The following GALNT10 variants were observed in gnomAD, a reference collection of about 807,000 sequenced individuals.
The protein encoded by GALNT10 is polypeptide N-acetylgalactosaminyltransferase 10.
Under a neutral mutation model 75.0 loss-of-function variants are expected in GALNT10, and 41 were observed. That is an observed-to-expected ratio of 0.55 (90% CI 0.43 to 0.71). The LOEUF (loss-of-function observed/expected upper bound fraction) is 0.71, where lower values mean the gene tolerates loss of function less well. Among genes scored for constraint, GALNT10 ranks in the 30% least tolerant of loss-of-function variants. The probability of loss-of-function intolerance (pLI) is 0.00; values close to 1 mark genes in which losing one functional copy is unlikely to be tolerated. For synonymous variants in GALNT10, 302 were observed against 313.0 expected, an observed-to-expected ratio of 0.96 and a Z score of 0.37; for missense variants, 727 against 818.5, an observed-to-expected ratio of 0.89 and a Z score of 1.36.
intron 1 of GALNT10, among the ~76,000 whole-genome samples, chr5:154,287,929 AGT>A (rs1561650917): frequency 7.1e-6 from 1 of 141,234 alleles, no homozygotes; most frequent in Non-Finnish European, 1.5e-5. Context: ...AGAGAGAGAG[AGT>A]GTGCATGTGT....
At chr5:154,316,446 G>C (rs13182399) in intron 3 of GALNT10, among the ~76,000 whole-genome samples, 46,518 of 152,098 alleles carry the variant, frequency 0.31, 7,925 homozygotes, top group African/African-American at 0.46. Context: ...TATTCATGGC[G>C]TGCTTGTTGA....
intron 1 of GALNT10, chr5:154,220,362 C>G (rs1447891822): frequency 6.6e-6 from 1 of 152,196 alleles, no homozygotes; most frequent in African/African-American, 2.4e-5. Context: ...AACCTGCTCA[C>G]TGGGACAAAA....
At chr5:154,233,795 C>G (rs1381302231) in intron 1 of GALNT10, among the ~76,000 whole-genome samples, 1 of 152,182 alleles carries the variant, frequency 6.6e-6, no homozygotes, top group Admixed American at 6.5e-5. Flanking sequence ...TGCTGGGAGA[C>G]TGTAATGGCA....
At chr5:154,239,479 A>G (rs984363452) in intron 1 of GALNT10, among the ~76,000 whole-genome samples, 5 of 152,230 alleles carry the variant, frequency 3.3e-5, no homozygotes. Context: ...GCCAAACCCT[A>G]TGGTGAACGT....
intron 1 of GALNT10, among the ~76,000 whole-genome samples, chr5:154,223,102 AG>A (rs1021139798): frequency 6.6e-6 from 1 of 152,204 alleles, no homozygotes; most frequent in African/African-American, 2.4e-5. Flanking sequence ...AACACTGTGT[AG>A]GGCACCGTAC....
Position 154,412,106 on chromosome 5 carries a change from G to T in GALNT10, c.1387-783G>T, listed in dbSNP as rs960035470. On this transcript the variant is annotated intron_variant, in intron 9 of 11. Coordinates refer to ENST00000297107, the MANE Select transcript of GALNT10 (RefSeq NM_198321.4). This position sits in a 1 kb window ranked among gnomAD's most constrained non-coding sequence, Gnocchi z 4.2. ...GGTGGATTCAGAATACAGGATCTGG[G>T]TGCAATGAGACTCTCTGCAACAGGA... Among the ~76,000 whole-genome samples, 1 of 152,176 alleles carries T rather than the reference G, an allele frequency of 6.6e-6. No homozygotes were observed. Among genetic ancestry groups the T allele is most frequent in the African/African-American group, 2.4e-5 (1 of 41,420 alleles).
chr5:154,225,997 G>A (rs930091945), intron 1 of GALNT10, among the ~76,000 whole-genome samples: 1 of 152,036 alleles, frequency 6.6e-6, no homozygotes, highest in Non-Finnish European at 1.5e-5. Flanking sequence ...GTAGGGGAAG[G>A]GGGGAGGGAT....
At chr5:154,353,912 C>G (rs1270219900) in intron 4 of GALNT10, among the ~76,000 whole-genome samples, 1 of 152,220 alleles carries the variant, frequency 6.6e-6, no homozygotes, top group Non-Finnish European at 1.5e-5. Flanking sequence ...TCCATGCTGA[C>G]CCTCCCATAG....
intron 4 of GALNT10, among the ~76,000 whole-genome samples, chr5:154,346,446 A>G (rs1202835952): frequency 6.6e-6 from 1 of 152,206 alleles, no homozygotes; most frequent in Non-Finnish European, 1.5e-5. Context: ...TTTCTTGACT[A>G]GTGCATTCAA....
Position 154,386,480 on chromosome 5 carries a change from C to T in GALNT10, c.1056+50C>T, listed in dbSNP as rs1755808778. ...GTTCTTGGCACAGCCTCCTGAGTGC[C>T]TGTCCCAGTAGGTGTCTCAGCTTCT... is the stretch of plus-strand genomic sequence containing the variant. On this transcript the variant is annotated intron_variant, in intron 7 of 11. Transcript: ENST00000297107. 7 of 1,155,710 alleles carry T rather than the reference C, an allele frequency of 6.1e-6. No individual in the cohort carries two copies. The South Asian group carries it at 8.5e-5, about 14-fold the overall frequency. The allele number at this position is 1,155,710 out of a possible 1,614,324, so 71.6% of individuals were successfully genotyped here. A position where few individuals can be genotyped will look rare whatever the true frequency, so the allele number is the denominator to read the frequency against.
chr5:154,332,261 G>A (rs1317784155), intron 4 of GALNT10, among the ~76,000 whole-genome samples: 2 of 152,182 alleles, frequency 1.3e-5, no homozygotes, highest in East Asian at 1.9e-4. Flanking sequence ...CCTCAGGTAC[G>A]GGCTGCCTGC....
Position 154,294,810 on chromosome 5 carries a change from T to G in GALNT10, c.160-6T>G. Reference sequence around the variant, plus strand: ...CTATTTTTCATAGTTTTTGTCTTTTTTTAAGGGCTCACACAGTCGACAAAA... The same window carrying G: ...CTATTTTTCATAGTTTTTGTCTTTTGTTAAGGGCTCACACAGTCGACAAAA... On this transcript the variant is annotated splice_polypyrimidine_tract_variant and splice_region_variant and intron_variant, in intron 1 of 11. Coordinates refer to ENST00000297107, the MANE Select transcript of GALNT10 (RefSeq NM_198321.4). The G allele has an allele frequency of 1.3e-6, 2 of 1,511,998 alleles. No individual in the cohort carries two copies. The highest frequency in any genetic ancestry group is 1.8e-6 in the Non-Finnish European group (2 of 1,087,384). 93.7% of individuals were successfully genotyped at this position (1,511,998 alleles called of 1,614,324 possible).
chr5:154,337,135 A>G (rs551263091), intron 4 of GALNT10, among the ~76,000 whole-genome samples: 1 of 152,320 alleles, frequency 6.6e-6, no homozygotes, highest in Non-Finnish European at 1.5e-5. Flanking sequence ...TTTTTAAAAG[A>G]CACATTTATT....
intron 1 of GALNT10, among the ~76,000 whole-genome samples, chr5:154,199,412 G>A (rs1041468464): frequency 2.0e-5 from 3 of 152,252 alleles, no homozygotes; most frequent in African/African-American, 4.8e-5. Flanking sequence ...CCTGGGAAGT[G>A]TGTTTATCTG....
At chr5:154,247,063 G>A (rs1026050840) in intron 1 of GALNT10, among the ~76,000 whole-genome samples, 14 of 152,184 alleles carry the variant, frequency 9.2e-5, no homozygotes, top group African/African-American at 1.4e-4. Context: ...GTATTAAATA[G>A]GGAATGCTTT....
chr5:154,288,604 C>CTT (rs386405374), intron 1 of GALNT10, among the ~76,000 whole-genome samples: 8 of 151,926 alleles, frequency 5.3e-5, no homozygotes, highest in Admixed American at 5.2e-4. Context: ...TCCCTCACTT[C>CTT]TTGCCATGTT....
chr5:154,325,419 A>G (rs1208719931), intron 3 of GALNT10, among the ~76,000 whole-genome samples: 1 of 152,166 alleles, frequency 6.6e-6, no homozygotes, highest in South Asian at 2.1e-4. Flanking sequence ...AAGACATAAC[A>G]ACTATAGACC....
At chr5:154,238,368 C>T (rs904025046) in intron 1 of GALNT10, among the ~76,000 whole-genome samples, 1 of 150,880 alleles carries the variant, frequency 6.6e-6, no homozygotes, top group Non-Finnish European at 1.5e-5. Flanking sequence ...ATTTTTTAGG[C>T]ATTTGCATAG....
chr5:154,251,691 C>T (rs556795845), intron 1 of GALNT10, among the ~76,000 whole-genome samples: 1 of 152,232 alleles, frequency 6.6e-6, no homozygotes, highest in South Asian at 2.1e-4. Flanking sequence ...TGATGACTGC[C>T]TTGCTCTCTG....
Sources: gnomAD v4.1 joint callset for allele counts (sites outside exome capture counted in the v4.1 genomes callset) on GRCh38, gnomAD v4.1.1 for gene constraint, Gnocchi (gnomAD v3.1) non-coding constraint, MANE v1.5 for transcripts, NCBI Gene and HGNC (gene_info 2026-07-23, HGNC 2026-07-21) for gene names.